Variants in RAD51B observed in about 807,000 individuals in gnomAD.
The protein encoded by RAD51B is RAD51 paralog B, also known as DNA repair protein RAD51 homolog 2.
A neutral mutation model predicts 42.2 loss-of-function variants in RAD51B; 38 were observed. That is an observed-to-expected ratio of 0.90 (90% CI 0.70 to 1.18). The LOEUF is 1.18. RAD51B is among the 50% of genes most tolerant of loss of function. The pLI is 0.00. For synonymous variants in RAD51B, 154 were observed against 145.2 expected, an observed-to-expected ratio of 1.06 and a Z score of -0.43; for missense variants, 373 against 400.7, an observed-to-expected ratio of 0.93 and a Z score of 0.59.
chr14:67,952,411 A>G (rs1297722822), intron 7 of RAD51B, among the ~76,000 whole-genome samples: 1 of 152,184 alleles, frequency 6.6e-6, no homozygotes, highest in African/African-American at 2.4e-5. Context: ...GGAAGAAGTG[A>G]TATTAAACCT....
chr14:67,980,842 A>G (rs2075078188), intron 7 of RAD51B, among the ~76,000 whole-genome samples: 1 of 152,222 alleles, frequency 6.6e-6, no homozygotes, highest in African/African-American at 2.4e-5. Context: ...TTTCTTCTAT[A>G]TGCCTCCGAA....
intron 8 of RAD51B, among the ~76,000 whole-genome samples, chr14:68,410,943 G>A (rs942142479): frequency 6.6e-6 from 1 of 151,872 alleles, no homozygotes; most frequent in Admixed American, 6.6e-5. Flanking sequence ...TGTGTATACG[G>A]GGGGGTGGGA....
chr14:68,066,994 G>A (rs2076661006), intron 7 of RAD51B, among the ~76,000 whole-genome samples: 1 of 152,144 alleles, frequency 6.6e-6, no homozygotes, highest in East Asian at 1.9e-4. Flanking sequence ...AAGAGCATTA[G>A]ACTGTTGCAC....
chr14:68,414,860 A>AT (rs2084514120), intron 9 of RAD51B, among the ~76,000 whole-genome samples: 1 of 28,020 alleles, frequency 3.6e-5, no homozygotes, highest in South Asian at 5.8e-4. Flanking sequence ...CATCTCTACT[A>AT]AAAAAAAAAA....
At chr14:67,883,318 A>G (rs925139053) in intron 5 of RAD51B, among the ~76,000 whole-genome samples, 2 of 140,670 alleles carry the variant, frequency 1.4e-5, no homozygotes, top group African/African-American at 5.4e-5. Context: ...AAAAAAAAAT[A>G]CCACTTTAGC....
chr14:67,878,311 T>C (rs1260655421), intron 5 of RAD51B, among the ~76,000 whole-genome samples: 1 of 152,178 alleles, frequency 6.6e-6, no homozygotes, highest in African/African-American at 2.4e-5. Context: ...TGAACCAACA[T>C]CTTTTCATAT....
At chr14:68,622,411 G>A (rs2140116266) in intron 10 of RAD51B, among the ~76,000 whole-genome samples, 1 of 152,280 alleles carries the variant, frequency 6.6e-6, no homozygotes, top group African/African-American at 2.4e-5. Flanking sequence ...TAGTGGGGAA[G>A]ACAAATATGG....
At chr14:68,525,059 GATAGAA>G (rs749075042) in intron 10 of RAD51B, among the ~76,000 whole-genome samples, 10 of 152,246 alleles carry the variant, frequency 6.6e-5, no homozygotes, top group Non-Finnish European at 1.3e-4. Flanking sequence ...TTGGCTTTGG[GATAGAA>G]AGCTTGTCCT....
chr14:68,038,390 A>G (rs1200245999), intron 7 of RAD51B, among the ~76,000 whole-genome samples: 1 of 151,858 alleles, frequency 6.6e-6, no homozygotes, highest in Non-Finnish European at 1.5e-5. Context: ...TTTTATTCAT[A>G]GCTTGATATC....
intron 8 of RAD51B, among the ~76,000 whole-genome samples, chr14:68,372,354 GT>G (rs910708571): frequency 4.0e-4 from 59 of 149,080 alleles, no homozygotes; most frequent in African/African-American, 1.3e-3. Flanking sequence ...GTCAAAGGAG[GT>G]TTTTTTTTTA....
At chr14:68,072,062 T>TAAA in intron 7 of RAD51B, among the ~76,000 whole-genome samples, 1 of 109,172 alleles carries the variant, frequency 9.2e-6, no homozygotes, top group Non-Finnish European at 1.7e-5. Context: ...ATTATATATA[T>TAAA]TTATATAAAT....
intron 4 of RAD51B, among the ~76,000 whole-genome samples, chr14:67,838,804 T>TAAA (rs56299969): frequency 6.9e-5 from 10 of 145,236 alleles, no homozygotes; most frequent in African/African-American, 1.8e-4. Context: ...GATAAAAAAG[T>TAAA]AAAAAAAAAA....
At chr14:67,891,553 G>T (rs1478795958) in intron 7 of RAD51B, among the ~76,000 whole-genome samples, 4 of 152,052 alleles carry the variant, frequency 2.6e-5, no homozygotes, top group Admixed American at 2.6e-4. Context: ...TTTTAAAGTG[G>T]ACATATAACA....
chr14:67,913,954 A>G (rs1243570597), intron 7 of RAD51B, among the ~76,000 whole-genome samples: 3 of 151,752 alleles, frequency 2.0e-5, no homozygotes, highest in Non-Finnish European at 4.4e-5. Flanking sequence ...ACCTCTGGTA[A>G]CCATCATTTT....
chr14:68,043,067 C>G (rs2076241823), intron 7 of RAD51B, among the ~76,000 whole-genome samples: 1 of 152,094 alleles, frequency 6.6e-6, no homozygotes, highest in Non-Finnish European at 1.5e-5. Flanking sequence ...AAAAAACTCT[C>G]TCAACAGATG....
intron 11 of RAD51B, among the ~76,000 whole-genome samples, chr14:68,678,876 G>A (rs182911599): frequency 6.6e-5 from 10 of 152,098 alleles, no homozygotes; most frequent in African/African-American, 1.7e-4. Flanking sequence ...AGCCCTTTAC[G>A]AAATTTTAAT....
At chr14:68,600,067 A>C (rs558476298), downstream of RAD51B, among the ~76,000 whole-genome samples, 1 of 152,310 alleles carries the variant, frequency 6.6e-6, no homozygotes, top group South Asian at 2.1e-4. Flanking sequence ...GTCCCCCTAC[A>C]GGACTCCCTG....
chr14:68,149,097 G>A (rs1386621525), intron 7 of RAD51B, among the ~76,000 whole-genome samples: 1 of 152,090 alleles, frequency 6.6e-6, no homozygotes, highest in Non-Finnish European at 1.5e-5. Context: ...GAGTCCTGTG[G>A]ATGCAAGTCC....
chr14:67,858,990 T>G (rs567105466), intron 4 of RAD51B, among the ~76,000 whole-genome samples: 111 of 152,392 alleles, frequency 7.3e-4, no homozygotes, highest in South Asian at 2.1e-3. Flanking sequence ...AAGCAGGGTA[T>G]GTAAAATGTT....
Sources: allele counts gnomAD v4.1 joint callset (sites outside exome capture counted in the v4.1 genomes callset), GRCh38; gene constraint gnomAD v4.1.1; transcripts MANE v1.5; gene names NCBI Gene and HGNC (gene_info 2026-07-23, HGNC 2026-07-21).